Variants in DNTT observed in about 807,000 individuals in gnomAD.
The protein encoded by DNTT is nucleosidetriphosphate:DNA deoxynucleotidylexotransferase.
Under a neutral mutation model 60.9 loss-of-function variants are expected in DNTT, and 47 were observed. The ratio of observed to expected loss-of-function variants is 0.77; its 90% confidence interval spans 0.61 to 0.98. The LOEUF is 0.98. Ranked by LOEUF, DNTT falls within the 50% of genes least tolerant of loss-of-function variation. DNTT has a pLI of 0.00. For synonymous variants in DNTT, 224 were observed against 221.2 expected (o/e 1.01, Z -0.11); for missense variants, 665 against 627.5 (o/e 1.06, Z -0.64).
chr10:96,322,637 AT>A lies in DNTT; in HGVS notation c.679-15del. 6.4e-7 allele frequency: 1 copy of A among 1,573,730 alleles called. No homozygotes were observed. Among genetic ancestry groups the A allele is most frequent in the Non-Finnish European group, 8.7e-7 (1 of 1,153,200 alleles). On this transcript the variant is annotated intron_variant, in intron 4 of 10. Coordinates refer to ENST00000371174, the MANE Select transcript of DNTT (RefSeq NM_004088.4). ...TTGTCCAACATCACTAATTTAAAAT[AT>A]TTTTCAACTGTCCATTAGGAGATTA...
At chr10:96,314,656 C>T (rs1008548115) in intron 1 of DNTT, among the ~76,000 whole-genome samples, 3 of 151,672 alleles carry the variant, frequency 2.0e-5, no homozygotes, top group Admixed American at 6.6e-5. Flanking sequence ...TCATGATCTG[C>T]CCCCCTCAGC....
chr10:96,329,841 A>G (rs923657434), intron 8 of DNTT, among the ~76,000 whole-genome samples: 1 of 152,112 alleles, frequency 6.6e-6, no homozygotes, highest in Non-Finnish European at 1.5e-5. Context: ...CCTGAGACTA[A>G]ATTTGGACGG....
rs200664457 is a variant in DNTT at position 96,332,558 on chromosome 10, C to T, written c.1321C>T (p.Arg441Cys). 35 of 1,614,118 alleles carry T rather than the reference C, an allele frequency of 2.2e-5. No homozygotes were observed. Among genetic ancestry groups the T allele is most frequent in the Admixed American group, 3.3e-5 (2 of 60,030 alleles). The change falls in exon 9 of 11, where the codon CGT becomes TGT. Residue 441 changes from arginine (R) to cysteine (C), a missense_variant. Physicochemically the swap from Arg to Cys is radical, Grantham distance 180 (BLOSUM62 -3). Coordinates refer to ENST00000371174, the MANE Select transcript of DNTT (RefSeq NM_004088.4). ...RVDLVLCPYE[R>C]RAFALLGWTG... is the part of the protein sequence containing the mutation. Reference sequence around the variant, plus strand: ...GGATTTAGTTCTGTGCCCCTACGAGCGTCGTGCCTTTGCCCTGTTGGGATG... The same window carrying T: ...GGATTTAGTTCTGTGCCCCTACGAGTGTCGTGCCTTTGCCCTGTTGGGATG...
chr10:96,312,494 T>C (rs1238922310), intron 1 of DNTT, among the ~76,000 whole-genome samples: 2 of 152,120 alleles, frequency 1.3e-5, no homozygotes, highest in Non-Finnish European at 2.9e-5. Flanking sequence ...CTAGTTGCAC[T>C]GAGCCCAGCT....
chr10:96,305,409 A>G (rs975149215), intron 1 of DNTT, among the ~76,000 whole-genome samples: 2 of 152,180 alleles, frequency 1.3e-5, no homozygotes, highest in African/African-American at 4.8e-5. Flanking sequence ...TTGAACAGCA[A>G]TTATTCTTGT....
chr10:96,305,026 G>C (rs1844617813), intron 1 of DNTT, among the ~76,000 whole-genome samples: 2 of 152,164 alleles, frequency 1.3e-5, no homozygotes, highest in Non-Finnish European at 2.9e-5. Flanking sequence ...TTCTATTCTT[G>C]ACCAATTTGA....
At chr10:96,335,805 A>C in intron 9 of DNTT, 86 bp from the exon 10 acceptor site, 1 of 1,425,208 alleles carries the variant, frequency 7.0e-7, no homozygotes, top group Non-Finnish European at 9.9e-7. Context: ...TAGTGGAGTT[A>C]CATATTTCAC....
At chr10:96,317,194 G>C (rs1844796610) in intron 1 of DNTT, among the ~76,000 whole-genome samples, 1 of 152,050 alleles carries the variant, frequency 6.6e-6, no homozygotes, top group Admixed American at 6.6e-5. Flanking sequence ...AACATATCTG[G>C]CCCAGAAAAA....
At chr10:96,326,586 C>T (rs1844941479) in intron 6 of DNTT, among the ~76,000 whole-genome samples, 2 of 152,200 alleles carry the variant, frequency 1.3e-5, no homozygotes, top group African/African-American at 4.8e-5. Context: ...CTTGTCATTT[C>T]AGAGGGCCAG....
intron 1 of DNTT, among the ~76,000 whole-genome samples, chr10:96,315,502 T>G (rs1213688788): frequency 6.6e-6 from 1 of 152,140 alleles, no homozygotes; most frequent in Non-Finnish European, 1.5e-5. Context: ...TTCCTTCATA[T>G]GACGTACAGC....
chr10:96,309,881 TA>T (rs1267658153), intron 1 of DNTT, among the ~76,000 whole-genome samples: 1 of 152,258 alleles, frequency 6.6e-6, no homozygotes, highest in Non-Finnish European at 1.5e-5. Context: ...GCAGTTACTT[TA>T]GAAAGTTGCA....
At chr10:96,332,241 AC>A in intron 8 of DNTT, 109 bp from the exon 9 acceptor site, 4 of 1,487,716 alleles carry the variant, frequency 2.7e-6, no homozygotes, top group Non-Finnish European at 1.8e-6. Context: ...AAGGCCAAAC[AC>A]ATGTCCATGT....
intron 7 of DNTT, 99 bp from the exon 8 acceptor site, chr10:96,328,626 T>G: frequency 8.6e-7 from 1 of 1,166,174 alleles, no homozygotes; most frequent in Admixed American, 2.5e-5. Flanking sequence ...CCTTCTATGT[T>G]GCAAATCTTA....
chr10:96,321,512 G>C (rs1844879134), intron 4 of DNTT, among the ~76,000 whole-genome samples: 1 of 152,076 alleles, frequency 6.6e-6, no homozygotes, highest in Non-Finnish European at 1.5e-5. Flanking sequence ...CTGCCATTTT[G>C]TCTCTTAATG....
intron 1 of DNTT, among the ~76,000 whole-genome samples, chr10:96,311,737 G>T (rs1844716749): frequency 6.6e-6 from 1 of 152,228 alleles, no homozygotes; most frequent in South Asian, 2.1e-4. Flanking sequence ...TCCACCTCCT[G>T]GGTTCAAGCG....
intron 1 of DNTT, among the ~76,000 whole-genome samples, chr10:96,305,632 C>G (rs1239462152): frequency 6.6e-6 from 1 of 152,106 alleles, no homozygotes; most frequent in Admixed American, 6.5e-5. Flanking sequence ...TCAGGCAAAA[C>G]TATAAAAATT....
Position 96,318,472 on chromosome 10 carries a change from C to A in DNTT, c.324C>A (p.Ile108=), listed in dbSNP as rs545054513. ...AGCTCCTCGATGTCTCCTGGCTGATCGAATGCATAAGAGCAGGGAAACCGG... is the reference window on the plus strand; with the variant it reads ...AGCTCCTCGATGTCTCCTGGCTGATAGAATGCATAAGAGCAGGGAAACCGG... ...QPELLDVSWL[I]ECIRAGKPVE... Residue 108 remains isoleucine, a synonymous_variant, in exon 2 of 11, where the codon ATC becomes ATA. Transcript: ENST00000371174. 5 of 1,613,644 alleles carry A rather than the reference C, an allele frequency of 3.1e-6. No homozygotes were observed. The highest frequency in any genetic ancestry group is 1.3e-5 in the African/African-American group (1 of 74,870).
At chr10:96,304,825 A>G in intron 1 of DNTT, 125 bp downstream of exon 1, 1 of 1,086,146 alleles carries the variant, frequency 9.2e-7, no homozygotes. Flanking sequence ...GGAGAACAGC[A>G]GATTTGAAAT....
intron 1 of DNTT, 104 bp downstream of exon 1, chr10:96,304,804 T>C (rs1192515486): frequency 7.9e-7 from 1 of 1,273,876 alleles, no homozygotes; most frequent in East Asian, 2.5e-5. Flanking sequence ...GAAGAGGTGA[T>C]CTTCCCACTG....
Sources: allele counts gnomAD v4.1 joint callset (sites outside exome capture counted in the v4.1 genomes callset), GRCh38; gene constraint gnomAD v4.1.1; transcripts MANE v1.5; gene names NCBI Gene and HGNC (gene_info 2026-07-23, HGNC 2026-07-21).